NT5C1A: variants seen among roughly 807,000 people sequenced by gnomAD.
NT5C1A encodes the protein 5'-nucleotidase, cytosolic IA.
Under a neutral mutation model 31.0 loss-of-function variants are expected in NT5C1A, and 18 were observed. The observed-to-expected ratio is 0.58, with a 90% CI of 0.40 to 0.86. The LOEUF (loss-of-function observed/expected upper bound fraction) is 0.86. Among genes scored for constraint, NT5C1A ranks in the 40% least tolerant of loss-of-function variants. The pLI, the probability that NT5C1A is intolerant of heterozygous loss-of-function variation, is 0.00. For missense variants in NT5C1A, 470 were observed against 505.4 expected (o/e 0.93, Z 0.67); for synonymous variants, 185 against 203.6 (o/e 0.91, Z 0.78).
chr1:39,667,018 C>A (rs1489444255), intron 1 of NT5C1A, among the ~76,000 whole-genome samples: 1 of 152,166 alleles, frequency 6.6e-6, no homozygotes, highest in Non-Finnish European at 1.5e-5. Flanking sequence ...AAGTTCAGAT[C>A]TGACCACAGC....
Position 39,652,359 on chromosome 1 carries a change from G to A in NT5C1A, c.*6762C>T, listed in dbSNP as rs1038030752. Among the ~76,000 whole-genome samples the A allele has an allele frequency of 4.6e-5, 7 of 152,166 alleles. No individual in the cohort carries two copies. Among genetic ancestry groups the A allele is most frequent in the Admixed American group, 6.5e-5 (1 of 15,276 alleles). On this transcript the variant is annotated 3_prime_UTR_variant, in exon 6 of 6. Coordinates refer to ENST00000235628, the MANE Select transcript of NT5C1A (RefSeq NM_032526.3). ...CCCAGCTTCTCTTCAAAAATGGGGC[G>A]GACTATCCGGCAACCTCAGGCCACA...
rs1190834457 is a variant in NT5C1A at position 39,665,971 on chromosome 1, A to T, written c.303+98T>A. 4.3e-6 allele frequency: 5 copies of T among 1,150,186 alleles called. No homozygotes were observed. The African/African-American group carries it at 7.7e-5, about 18-fold the overall frequency. 71.2% of individuals were successfully genotyped at this position (1,150,186 alleles called of 1,614,324 possible). On this transcript the variant is annotated intron_variant, in intron 2 of 5. Coordinates refer to ENST00000235628, the MANE Select transcript of NT5C1A (RefSeq NM_032526.3). ...TGTACCTGTGTGGTTACATCTGCCC[A>T]GAGGGGCCCTTTCACCTTACTCAAA...
intron 1 of NT5C1A, among the ~76,000 whole-genome samples, chr1:39,667,504 G>A (rs1021720829): frequency 2.0e-5 from 3 of 152,134 alleles, no homozygotes; most frequent in Non-Finnish European, 2.9e-5. Flanking sequence ...TTAAAAATGA[G>A]GGGCTCAAAT....
rs554753215 is a variant in NT5C1A, at chr1:39,653,205, C to T, written c.*5916G>A. ...GGGGTAGGAGGCAGAGGGTTAGGAG[C>T]CAAGACTTTCTTGGCCAGAGGTTGG... On this transcript the variant is annotated 3_prime_UTR_variant, in exon 6 of 6. Coordinates refer to ENST00000235628, the MANE Select transcript of NT5C1A (RefSeq NM_032526.3). Among the ~76,000 whole-genome samples the T allele has an allele frequency of 2.0e-5, 3 of 151,740 alleles. No individual in the cohort carries two copies. The highest frequency in any genetic ancestry group is 4.4e-5 in the Non-Finnish European group (3 of 67,960).
rs775212324 is a variant in NT5C1A, at chr1:39,659,380, C to T, written c.848G>A (p.Arg283His). The T allele has an allele frequency of 1.2e-5, 20 of 1,613,588 alleles. No homozygotes were observed. Among genetic ancestry groups the T allele is most frequent in the East Asian group, 4.5e-5 (2 of 44,892 alleles). ...CCGGGCCCCGGAACTGGCTGCACTG[C>T]GTGCTGTCACCAAGTAGGTACGAAT... ...CPIRTYLVTA[R>H]SAASSGARAL... is the part of the protein sequence containing the mutation. The change falls in exon 6 of 6, where the codon CGC becomes CAC. Residue 283 changes from arginine to histidine, a missense_variant. Arg to His is a conservative substitution (Grantham distance 29). Coordinates refer to ENST00000235628, the MANE Select transcript of NT5C1A (RefSeq NM_032526.3).
At chr1:39,671,650 G>A (rs1646552889) in intron 1 of NT5C1A, among the ~76,000 whole-genome samples, 1 of 152,016 alleles carries the variant, frequency 6.6e-6, no homozygotes, top group South Asian at 2.1e-4. Context: ...GGGGCTGCGG[G>A]CCTCTAGCTG....
intron 5 of NT5C1A, 104 bp from the exon 6 acceptor site, chr1:39,659,590 G>A: frequency 7.1e-7 from 1 of 1,411,438 alleles, no homozygotes; most frequent in Non-Finnish European, 9.5e-7. Context: ...GAAAACTTCA[G>A]GATCCCTAAA....
chr1:39,663,129 G>T (rs2124154679), intron 4 of NT5C1A, among the ~76,000 whole-genome samples, 183 bp downstream of exon 4: 1 of 152,294 alleles, frequency 6.6e-6, no homozygotes, highest in Non-Finnish European at 1.5e-5. Flanking sequence ...AGATGGAATG[G>T]GTAGGGCCTT....
At chr1:39,659,588 C>T in intron 5 of NT5C1A, 102 bp from the exon 6 acceptor site, 9 of 1,414,916 alleles carry the variant, frequency 6.4e-6, no homozygotes, top group Non-Finnish European at 8.6e-6. Flanking sequence ...TGGAAAACTT[C>T]AGGATCCCTA....
intron 1 of NT5C1A, among the ~76,000 whole-genome samples, chr1:39,670,744 G>A (rs1646546544): frequency 1.3e-5 from 2 of 152,158 alleles, no homozygotes; most frequent in Admixed American, 1.3e-4. Context: ...GAGCTTCAGA[G>A]ACATCTGCAT....
In NT5C1A at chr1:39,656,859, CT is replaced by C. The variant is rs1286128083; in HGVS notation, c.*2261del. Among the ~76,000 whole-genome samples the C allele has an allele frequency of 2.0e-5, 3 of 152,234 alleles. No individual in the cohort carries two copies. The highest frequency in any genetic ancestry group is 2.0e-4 in the Admixed American group (3 of 15,286). ...TGGGAGTGAGAAGGAGAGGGCCTTT[CT>C]GCAGTTCAGCCAAGAATAAAGGAGA... On this transcript the variant is annotated 3_prime_UTR_variant, in exon 6 of 6. Transcript: ENST00000235628.
chr1:39,657,922 C>A lies in NT5C1A; in HGVS notation c.*1199G>T, dbSNP rs542019524. 1.7e-3 allele frequency among the ~76,000 whole-genome samples: 253 copies of A among 152,344 alleles called. No individual in the cohort carries two copies. The highest frequency in any genetic ancestry group is 5.6e-3 in the African/African-American group (234 of 41,588). ...CTGTCTCACACCAGACCTCCTGACA[C>A]TTCCCACTTCACCCCAGGCAGCACC... On this transcript the variant is annotated 3_prime_UTR_variant, in exon 6 of 6. Transcript: ENST00000235628.
intron 3 of NT5C1A, 22 bp downstream of exon 3, chr1:39,665,499 C>A: frequency 1.3e-6 from 2 of 1,599,970 alleles, no homozygotes; most frequent in Non-Finnish European, 1.7e-6. Flanking sequence ...GGCAAACCCC[C>A]CATCCTCATG....
At chr1:39,659,848 C>A (rs1248843523) in intron 5 of NT5C1A, among the ~76,000 whole-genome samples, 2 of 152,126 alleles carry the variant, frequency 1.3e-5, no homozygotes, top group East Asian at 1.9e-4. Flanking sequence ...ATGGCATGGG[C>A]GCCCTCCAAT....
In NT5C1A at chr1:39,653,026, T is replaced by C. The variant is rs762647999; in HGVS notation, c.*6095A>G. Among the ~76,000 whole-genome samples the C allele has an allele frequency of 2.6e-5, 4 of 152,128 alleles. No individual in the cohort carries two copies. The highest frequency in any genetic ancestry group is 5.9e-5 in the Non-Finnish European group (4 of 68,010). On this transcript the variant is annotated 3_prime_UTR_variant, in exon 6 of 6. Coordinates refer to ENST00000235628, the MANE Select transcript of NT5C1A (RefSeq NM_032526.3). The stretch of plus-strand genomic sequence containing the variant: ...ATGTCACAATACCAATGGCGCCCTC[T>C]AGATTTTTGCAGTGCACAATCTGCC...
In NT5C1A at chr1:39,670,621, C is replaced by T. The variant is rs115335955; in HGVS notation, c.135+1283G>A. Among the ~76,000 whole-genome samples the T allele has an allele frequency of 3.6e-3, 545 of 152,314 alleles. 6 individuals are homozygous for T. The highest frequency in any genetic ancestry group is 0.013 in the African/African-American group (524 of 41,562). On this transcript the variant is annotated intron_variant, in intron 1 of 5. Transcript: ENST00000235628. Reference sequence around the variant, plus strand: ...ATCCCTGACCCCCTTGAGTAAGGTCCAGACTCCTTAACATGATCCCCAAGG... The same window carrying T: ...ATCCCTGACCCCCTTGAGTAAGGTCTAGACTCCTTAACATGATCCCCAAGG...
At chr1:39,660,823 G>T (rs1646489317) in intron 5 of NT5C1A, among the ~76,000 whole-genome samples, 1 of 152,108 alleles carries the variant, frequency 6.6e-6, no homozygotes, top group Admixed American at 6.5e-5. Context: ...AGGGGGGATG[G>T]GCTTAGAGAG....
chr1:39,666,130 C>A lies in NT5C1A; in HGVS notation c.242G>T (p.Arg81Leu). The A allele has an allele frequency of 1.9e-6, 3 of 1,613,648 alleles. No individual in the cohort carries two copies. The highest frequency in any genetic ancestry group is 2.5e-6 in the Non-Finnish European group (3 of 1,180,006). Reference sequence around the variant, plus strand: ...TTCGTTCTCATGTTCCAGCTGGTAGCGCACGTACTCCTCCACGCCCTGCTC... The same window carrying A: ...TTCGTTCTCATGTTCCAGCTGGTAGAGCACGTACTCCTCCACGCCCTGCTC... ...YTEQGVEEYV[R>L]YQLEHENEPF... Residue 81 changes from arginine to leucine, a missense_variant, in exon 2 of 6, where the codon CGC becomes CTC. Arg to Leu is a moderately radical substitution (Grantham distance 102, BLOSUM62 -2). Transcript: ENST00000235628.
chr1:39,664,516 T>TCCTCTCCTC (rs1570459745), intron 3 of NT5C1A, among the ~76,000 whole-genome samples: 5 of 7,478 alleles, frequency 6.7e-4, no homozygotes, highest in East Asian at 3.6e-3. Context: ...CTCCTCTCCT[T>TCCTCTCCTC]TCCATCTCAC....
Sources: allele counts gnomAD v4.1 joint callset (sites outside exome capture counted in the v4.1 genomes callset), GRCh38; gene constraint gnomAD v4.1.1; transcripts MANE v1.5; gene names NCBI Gene and HGNC (gene_info 2026-07-23, HGNC 2026-07-21).